Variants in CSMD1 observed in about 807,000 individuals in gnomAD.
CSMD1 encodes CUB and sushi domain-containing protein 1.
CSMD1 carries 213 observed loss-of-function variants against 417.5 expected under a neutral mutation model. The observed-to-expected ratio is 0.51, with a 90% CI of 0.46 to 0.57. CSMD1 has a LOEUF of 0.57. CSMD1 is among the 20% of genes least tolerant of loss of function. CSMD1 has a pLI of 0.00. For missense variants in CSMD1, 6,923 were observed against 4,529.7 expected, an observed-to-expected ratio of 1.53 and a Z score of -15.17; for synonymous variants, 2,862 against 1,736.8, an observed-to-expected ratio of 1.65 and a Z score of -16.11.
chr8:3,373,115 C>G (rs1910379), intron 18 of CSMD1, among the ~76,000 whole-genome samples: 47,211 of 152,070 alleles, frequency 0.31, 8,234 homozygotes, highest in African/African-American at 0.49. Context: ...ATCCCAAAAT[C>G]TGCATGTTAT....
intron 7 of CSMD1, among the ~76,000 whole-genome samples, chr8:3,639,357 AAG>A (rs900243288): frequency 2.0e-5 from 3 of 152,220 alleles, no homozygotes; most frequent in African/African-American, 7.2e-5. Flanking sequence ...TAAGAGGAAA[AAG>A]AGAGAATGAA....
chr8:3,531,029 T>G (rs902520299), intron 10 of CSMD1, among the ~76,000 whole-genome samples: 1 of 150,476 alleles, frequency 6.6e-6, no homozygotes, highest in African/African-American at 2.5e-5. Context: ...ATTTTTTTTT[T>G]TTTGTATTTG....
intron 1 of CSMD1, among the ~76,000 whole-genome samples, chr8:4,927,278 G>A (rs187135829): frequency 3.3e-5 from 5 of 151,778 alleles, no homozygotes; most frequent in Admixed American, 6.6e-5. Context: ...GGCTGGTCTC[G>A]AACTCCCGTC....
chr8:3,264,567 G>C (rs1801298514), intron 26 of CSMD1, among the ~76,000 whole-genome samples: 1 of 152,142 alleles, frequency 6.6e-6, no homozygotes, highest in African/African-American at 2.4e-5. Flanking sequence ...TATGCCTCTA[G>C]AACAGAGAAT....
chr8:4,238,874 T>A (rs1371180713), intron 3 of CSMD1, among the ~76,000 whole-genome samples: 2 of 152,208 alleles, frequency 1.3e-5, no homozygotes, highest in Non-Finnish European at 2.9e-5. Context: ...AAATGCAATT[T>A]TTTTAGCAAA....
intron 3 of CSMD1, among the ~76,000 whole-genome samples, chr8:4,225,684 C>G (rs1042603670): frequency 3.9e-5 from 6 of 152,124 alleles, no homozygotes; most frequent in Non-Finnish European, 7.4e-5. Flanking sequence ...CCTTAGGAAA[C>G]TGTCTCACCA....
intron 5 of CSMD1, among the ~76,000 whole-genome samples, chr8:3,914,564 C>G (rs574452829): frequency 1.3e-5 from 2 of 152,220 alleles, no homozygotes; most frequent in East Asian, 1.9e-4. Flanking sequence ...GTTGAAATGG[C>G]AGTTTACTCC....
At chr8:4,453,057 G>A (rs1266465047) in intron 2 of CSMD1, among the ~76,000 whole-genome samples, 2 of 152,100 alleles carry the variant, frequency 1.3e-5, no homozygotes, top group Non-Finnish European at 2.9e-5. Context: ...TGTTGTGCTA[G>A]GACCATGAAT....
At chr8:4,155,460 G>T (rs915749822) in intron 3 of CSMD1, among the ~76,000 whole-genome samples, 5 of 152,130 alleles carry the variant, frequency 3.3e-5, no homozygotes, top group Non-Finnish European at 7.4e-5. Flanking sequence ...TGAAAATATG[G>T]TAAGTATGTG....
chr8:4,422,073 G>C (rs1341567501), intron 2 of CSMD1, among the ~76,000 whole-genome samples: 1 of 151,980 alleles, frequency 6.6e-6, no homozygotes, highest in Non-Finnish European at 1.5e-5. Context: ...TCAAACAAAT[G>C]AACTATTACA....
At chr8:4,013,412 C>T (rs1796372703) in intron 4 of CSMD1, among the ~76,000 whole-genome samples, 1 of 152,230 alleles carries the variant, frequency 6.6e-6, no homozygotes, top group African/African-American at 2.4e-5. Context: ...CTGTCCCGTT[C>T]ATTAGAGGTC....
At chr8:4,443,528 G>A (rs77499582) in intron 2 of CSMD1, among the ~76,000 whole-genome samples, 2,171 of 152,192 alleles carry the variant, frequency 0.014, 45 homozygotes, top group African/African-American at 0.049. Context: ...ATACAGTATA[G>A]AATTTCACGA....
intron 3 of CSMD1, among the ~76,000 whole-genome samples, chr8:4,337,635 C>A (rs1374316641): frequency 2.0e-5 from 3 of 152,134 alleles, no homozygotes; most frequent in Non-Finnish European, 4.4e-5. Flanking sequence ...TCATGCTGAA[C>A]TATTCCGTTG....
At position 4,693,938 on chromosome 8, in the gene CSMD1, T is replaced by C. The variant is rs114191250; in HGVS notation, c.86-56380A>G. On this transcript the variant is annotated intron_variant, in intron 1 of 69. Transcript: ENST00000635120. Reference sequence around the variant, plus strand: ...TTTCAAAGGTCACAAATGGTTTCTTTATTGTCCATGTCATCACATACTTCA... The same window carrying C: ...TTTCAAAGGTCACAAATGGTTTCTTCATTGTCCATGTCATCACATACTTCA... Among the ~76,000 whole-genome samples, 396 of 152,338 alleles carry C rather than the reference T, an allele frequency of 2.6e-3. 5 individuals are homozygous for C. The highest frequency in any genetic ancestry group is 9.3e-3 in the African/African-American group (385 of 41,566).
chr8:3,340,724 T>G (rs1024248042), intron 23 of CSMD1, among the ~76,000 whole-genome samples: 1 of 152,208 alleles, frequency 6.6e-6, no homozygotes, highest in Non-Finnish European at 1.5e-5. Context: ...AACAATTTAA[T>G]GTGAGGTTAA....
chr8:4,719,965 T>G (rs909542310), intron 1 of CSMD1, among the ~76,000 whole-genome samples: 1 of 152,158 alleles, frequency 6.6e-6, no homozygotes, highest in Admixed American at 6.5e-5. Flanking sequence ...AAATTTTTTG[T>G]CTACATTTTA....
chr8:3,090,687 T>C (rs1014688509), intron 48 of CSMD1, among the ~76,000 whole-genome samples: 10 of 152,194 alleles, frequency 6.6e-5, no homozygotes, highest in East Asian at 1.9e-4. Flanking sequence ...TCACTTCCCA[T>C]ACACAATGAG....
At chr8:3,126,524 C>T (rs1817519936) in intron 41 of CSMD1, among the ~76,000 whole-genome samples, 1 of 152,122 alleles carries the variant, frequency 6.6e-6, no homozygotes, top group South Asian at 2.1e-4. Context: ...TGAAAAGATC[C>T]ATCTGGGGTC....
chr8:4,301,190 G>C (rs956623499), intron 3 of CSMD1, among the ~76,000 whole-genome samples: 1 of 152,138 alleles, frequency 6.6e-6, no homozygotes, highest in African/African-American at 2.4e-5. Flanking sequence ...GCTCTCCTGG[G>C]TAGTGGTCTG....
Sources: allele counts gnomAD v4.1 joint callset (sites outside exome capture counted in the v4.1 genomes callset), GRCh38; gene constraint gnomAD v4.1.1; transcripts MANE v1.5; gene names NCBI Gene and HGNC (gene_info 2026-07-23, HGNC 2026-07-21).